PLCB4: variants seen among roughly 807,000 people sequenced by gnomAD.
The protein encoded by PLCB4 is phospholipase C beta 4, also known as 1-phosphatidylinositol 4,5-bisphosphate phosphodiesterase beta-4.
A neutral mutation model predicts 178.8 loss-of-function variants in PLCB4; 77 were observed. That is an observed-to-expected ratio of 0.43 (90% CI 0.36 to 0.52). The LOEUF (loss-of-function observed/expected upper bound fraction) is 0.52, where lower values mean the gene tolerates loss of function less well. Ranked by LOEUF, PLCB4 falls within the 20% of genes least tolerant of loss-of-function variation. PLCB4 has a pLI of 0.00. For synonymous variants in PLCB4, 496 were observed against 490.8 expected (o/e 1.01, Z -0.14); for missense variants, 1,024 against 1,453.4 (o/e 0.70, Z 4.80).
At chr20:9,181,021 C>T (rs2093237319) in intron 2 of PLCB4, among the ~76,000 whole-genome samples, 1 of 152,100 alleles carries the variant, frequency 6.6e-6, no homozygotes, top group Non-Finnish European at 1.5e-5. Flanking sequence ...ATATGTTGTG[C>T]CTGATTGTAA....
chr20:9,375,310 A>G (rs965154891), intron 12 of PLCB4, among the ~76,000 whole-genome samples: 3 of 152,158 alleles, frequency 2.0e-5, no homozygotes, highest in African/African-American at 7.2e-5. Context: ...ACAAAAGGAG[A>G]CAGACAGAGC....
At chr20:9,337,731 A>G (rs73095733) in intron 5 of PLCB4, among the ~76,000 whole-genome samples, 1 of 152,324 alleles carries the variant, frequency 6.6e-6, no homozygotes, top group Non-Finnish European at 1.5e-5. Flanking sequence ...AATGTTTTAT[A>G]TATAAAAGTA....
At chr20:9,164,176 C>T (rs1413432726) in intron 2 of PLCB4, among the ~76,000 whole-genome samples, 5 of 152,176 alleles carry the variant, frequency 3.3e-5, no homozygotes, top group Admixed American at 6.5e-5. Context: ...ACAGCTGCAT[C>T]GTTTTCATAT....
At chr20:9,458,817 C>T (rs1389932909) in intron 34 of PLCB4, among the ~76,000 whole-genome samples, 1 of 152,136 alleles carries the variant, frequency 6.6e-6, no homozygotes, top group Non-Finnish European at 1.5e-5. Flanking sequence ...AAACAGACTC[C>T]AGCTCTTGAC....
chr20:9,251,875 A>G (rs2094184730), intron 3 of PLCB4, among the ~76,000 whole-genome samples: 1 of 152,194 alleles, frequency 6.6e-6, no homozygotes, highest in Non-Finnish European at 1.5e-5. Flanking sequence ...TTAATTATAT[A>G]TTTTATTAAC....
At chr20:9,437,265 C>T (rs2041832164) in intron 30 of PLCB4, 113 bp downstream of exon 30, 1 of 942,468 alleles carries the variant, frequency 1.1e-6, no homozygotes, top group Non-Finnish European at 1.6e-6. Context: ...GGGAAAGAAC[C>T]TTTTACATAG....
intron 39 of PLCB4, among the ~76,000 whole-genome samples, chr20:9,477,507 G>T (rs1229293896): frequency 3.3e-5 from 5 of 152,124 alleles, no homozygotes; most frequent in Non-Finnish European, 7.4e-5. Flanking sequence ...AGAATCATTT[G>T]CTACTATTTA....
At chr20:9,372,615 C>CA (rs1555811800) in intron 11 of PLCB4, among the ~76,000 whole-genome samples, 2 of 151,850 alleles carry the variant, frequency 1.3e-5, no homozygotes, top group Non-Finnish European at 2.9e-5. Context: ...GCACCTGGAA[C>CA]TTTTTTTTGC....
chr20:9,389,861 T>A lies in PLCB4; in HGVS notation c.1159-18T>A, dbSNP rs760629846. The A allele has an allele frequency of 6.9e-7, 1 of 1,445,128 alleles. No individual in the cohort carries two copies. 89.5% of individuals were successfully genotyped at this position (1,445,128 alleles called of 1,614,324 possible). On this transcript the variant is annotated intron_variant, in intron 15 of 39. Coordinates refer to ENST00000378473, the MANE Select transcript of PLCB4 (RefSeq NM_001377142.1). ...TTTTGCTCTTTTCTCTCATTAACGT[T>A]TTTTTTTGTTTTTAAAGGATGTAAT...
At chr20:9,399,857 T>C (rs892982160) in intron 19 of PLCB4, among the ~76,000 whole-genome samples, 1 of 152,224 alleles carries the variant, frequency 6.6e-6, no homozygotes, top group Non-Finnish European at 1.5e-5. Flanking sequence ...TGAGAAGTTT[T>C]GAAATCTTGG....
At chr20:9,110,835 A>G (rs1044024904) in intron 2 of PLCB4, among the ~76,000 whole-genome samples, 1 of 152,132 alleles carries the variant, frequency 6.6e-6, no homozygotes, top group Non-Finnish European at 1.5e-5. Context: ...TTTCATAATC[A>G]TGAAGGTAAT....
At chr20:9,201,361 A>G (rs1170791345) in intron 2 of PLCB4, among the ~76,000 whole-genome samples, 1 of 152,224 alleles carries the variant, frequency 6.6e-6, no homozygotes, top group African/African-American at 2.4e-5. Flanking sequence ...TAGGATTTTT[A>G]TACTCATAAA....
chr20:9,379,559 A>T (rs899786158), intron 12 of PLCB4, among the ~76,000 whole-genome samples: 1 of 152,182 alleles, frequency 6.6e-6, no homozygotes, highest in African/African-American at 2.4e-5. Flanking sequence ...GAAAGGTGTT[A>T]TGAAAAAGAG....
intron 25 of PLCB4, among the ~76,000 whole-genome samples, chr20:9,418,570 A>T (rs1032179770): frequency 2.6e-5 from 4 of 152,126 alleles, no homozygotes; most frequent in Non-Finnish European, 5.9e-5. Context: ...TAAATCTTGT[A>T]GCTTAGTAAT....
In PLCB4 at chr20:9,389,939, T is replaced by C; in HGVS notation, c.1219T>C (p.Ser407Pro). ...CACATCAGAATATCCTGTAATTCTCTCCTTTGAAAATCACTGCAGGTATAA... is the reference window on the plus strand; with the variant it reads ...CACATCAGAATATCCTGTAATTCTCCCCTTTGAAAATCACTGCAGGTATAA... ...FVTSEYPVIL[S>P]FENHCSKYQQ... is the part of the protein sequence containing the mutation. Residue 407 changes from serine to proline, a missense_variant, in exon 16 of 40, where the codon TCC becomes CCC. Ser to Pro is a moderately conservative substitution (Grantham distance 74). Transcript: ENST00000378473. 6.4e-7 allele frequency: 1 copy of C among 1,566,414 alleles called. No homozygotes were observed. The highest frequency in any genetic ancestry group is 8.8e-7 in the Non-Finnish European group (1 of 1,138,694).
chr20:9,179,511 A>G (rs142199448), intron 2 of PLCB4, among the ~76,000 whole-genome samples: 2,717 of 152,324 alleles, frequency 0.018, 29 homozygotes, highest in Middle Eastern at 0.058. Flanking sequence ...TCCATGCTGC[A>G]TTTCTGATCT....
intron 15 of PLCB4, among the ~76,000 whole-genome samples, chr20:9,389,437 G>A (rs1268257503): frequency 2.6e-5 from 4 of 152,184 alleles, no homozygotes; most frequent in Admixed American, 2.6e-4. Flanking sequence ...GAAAGTCAGT[G>A]AAAGCCTCCA....
intron 24 of PLCB4, among the ~76,000 whole-genome samples, chr20:9,409,587 T>C (rs1428750135): frequency 6.6e-6 from 1 of 152,184 alleles, no homozygotes; most frequent in Non-Finnish European, 1.5e-5. Flanking sequence ...CCCTGACCAC[T>C]GTGAACATTC....
Position 9,226,320 on chromosome 20 carries a change from G to A in PLCB4, c.-16+8868G>A, listed in dbSNP as rs1030456583. 4.0e-4 allele frequency among the ~76,000 whole-genome samples: 61 copies of A among 152,228 alleles called. 1 individual carries two copies. The highest frequency in any genetic ancestry group is 1.3e-3 in the African/African-American group (52 of 41,518). On this transcript the variant is annotated intron_variant, in intron 3 of 39. Transcript: ENST00000378473. ...GCGGTCTAGAATTTGGATAGATGCCGTTACATTTTTGCATTGGAGGTATGT... is the reference window on the plus strand; with the variant it reads ...GCGGTCTAGAATTTGGATAGATGCCATTACATTTTTGCATTGGAGGTATGT...
Sources: gnomAD v4.1 joint callset for allele counts (sites outside exome capture counted in the v4.1 genomes callset) on GRCh38, gnomAD v4.1.1 for gene constraint, MANE v1.5 for transcripts, NCBI Gene and HGNC (gene_info 2026-07-23, HGNC 2026-07-21) for gene names.